The following CDH13 variants were observed in gnomAD, a reference collection of about 807,000 sequenced individuals.
CDH13 encodes cadherin-13.
Under a neutral mutation model 63.8 loss-of-function variants are expected in CDH13, and 24 were observed. The observed-to-expected ratio is 0.38, with a 90% CI of 0.27 to 0.53. The LOEUF (loss-of-function observed/expected upper bound fraction) is 0.53, where lower values mean the gene tolerates loss of function less well. Ranked by LOEUF, CDH13 falls within the 20% of genes least tolerant of loss-of-function variation. The pLI is 0.85. For synonymous variants in CDH13, 503 were observed against 355.3 expected (o/e 1.42, Z -4.67); for missense variants, 1,049 against 903.1 (o/e 1.16, Z -2.07).
chr16:82,692,298 C>G (rs1031512854), intron 1 of CDH13, among the ~76,000 whole-genome samples: 2 of 152,156 alleles, frequency 1.3e-5, no homozygotes, highest in East Asian at 1.9e-4. Flanking sequence ...CTGTTCTCAC[C>G]CTGCTTAGTA....
At position 83,564,416 on chromosome 16, in the gene CDH13, GT is replaced by G. The variant is rs1567767688; in HGVS notation, c.961-38033del. ...GATGACTCTTTTTTTTTTTTTTTTT[GT>G]TTTTGTTTTGAGATGGAGTCTCACT... On this transcript the variant is annotated intron_variant, in intron 7 of 13. Coordinates refer to ENST00000567109, the MANE Select transcript of CDH13 (RefSeq NM_001257.5). Among the ~76,000 whole-genome samples the G allele has an allele frequency of 2.9e-3, 22 of 7,516 alleles. 2 individuals carry two copies. Among genetic ancestry groups the G allele is most frequent in the African/African-American group, 9.8e-3 (14 of 1,434 alleles). 4.9% of individuals were successfully genotyped at this position (7,516 alleles called of 152,430 possible).
intron 1 of CDH13, among the ~76,000 whole-genome samples, chr16:82,714,506 G>C (rs990084131): frequency 7.2e-5 from 11 of 151,902 alleles, no homozygotes; most frequent in African/African-American, 2.7e-4. Context: ...CTGAGGTTAG[G>C]AGTTCAAGAC....
intron 4 of CDH13, among the ~76,000 whole-genome samples, chr16:83,215,938 C>CT (rs2039490466): frequency 6.6e-6 from 1 of 152,080 alleles, no homozygotes; most frequent in South Asian, 2.1e-4. Context: ...CTAGATTCCA[C>CT]TTATGCCAAT....
chr16:83,239,212 G>C (rs375603834), intron 5 of CDH13, among the ~76,000 whole-genome samples: 6 of 152,266 alleles, frequency 3.9e-5, no homozygotes, highest in East Asian at 1.9e-4. Context: ...CAGTAGTTCA[G>C]TTATAAGTTA....
chr16:83,432,907 TTA>T (rs2072168600), intron 6 of CDH13, among the ~76,000 whole-genome samples: 1 of 152,202 alleles, frequency 6.6e-6, no homozygotes, highest in African/African-American at 2.4e-5. Context: ...GACATAACAT[TTA>T]TGTTTCTTCT....
intron 8 of CDH13, among the ~76,000 whole-genome samples, chr16:83,647,961 C>T (rs1407515945): frequency 6.6e-6 from 1 of 152,128 alleles, no homozygotes; most frequent in East Asian, 1.9e-4. Flanking sequence ...ATCCTAAAGC[C>T]CCACAACTGC....
rs11314879 is a variant in CDH13, at chr16:83,056,464, C to CA, written c.366+24256dup. Among the ~76,000 whole-genome samples the CA allele has an allele frequency of 5.0e-4, 70 of 140,132 alleles. No individual in the cohort carries two copies. In the South Asian group the frequency reaches 5.5e-3, roughly 11 times the overall value. The allele number at this position is 140,132 out of a possible 152,430, so 91.9% of individuals were successfully genotyped here. On this transcript the variant is annotated intron_variant, in intron 3 of 13. Coordinates refer to ENST00000567109, the MANE Select transcript of CDH13 (RefSeq NM_001257.5). ...TCATATGTATATACCAAATACATAG[C>CA]AAAAAAAAAAGCAACTGTTATTATG...
intron 7 of CDH13, among the ~76,000 whole-genome samples, chr16:83,521,719 G>C (rs78687837): frequency 4.6e-5 from 7 of 152,164 alleles, no homozygotes; most frequent in African/African-American, 1.7e-4. Context: ...TTCCACCTAT[G>C]GGTTTTCCCA....
chr16:83,203,065 A>C (rs1396447606), intron 4 of CDH13, among the ~76,000 whole-genome samples: 1 of 152,140 alleles, frequency 6.6e-6, no homozygotes, highest in Non-Finnish European at 1.5e-5. Context: ...TCTCTACTGA[A>C]AATACAAAAT....
chr16:82,793,170 C>T (rs565012386), intron 1 of CDH13, among the ~76,000 whole-genome samples: 1 of 152,346 alleles, frequency 6.6e-6, no homozygotes, highest in South Asian at 2.1e-4. Context: ...GGCATCAGTG[C>T]ATCACCCAGT....
At chr16:83,648,081 G>C (rs567712903) in intron 8 of CDH13, among the ~76,000 whole-genome samples, 1 of 152,014 alleles carries the variant, frequency 6.6e-6, no homozygotes, top group Non-Finnish European at 1.5e-5. Context: ...TTCCCTCAAG[G>C]TGTGTTTGAA....
At chr16:82,657,676 A>G (rs770919405) in intron 1 of CDH13, among the ~76,000 whole-genome samples, 20 of 152,184 alleles carry the variant, frequency 1.3e-4, no homozygotes, top group African/African-American at 1.7e-4. Context: ...AAATATTCCA[A>G]TTTGGGGAGG....
chr16:82,934,635 C>G (rs545102156), intron 2 of CDH13, among the ~76,000 whole-genome samples: 4 of 152,310 alleles, frequency 2.6e-5, no homozygotes, highest in African/African-American at 4.8e-5. Flanking sequence ...CTTATATGCT[C>G]TGCTTCCTCT....
intron 1 of CDH13, among the ~76,000 whole-genome samples, chr16:82,841,298 C>G (rs57881470): frequency 0.12 from 18,801 of 152,190 alleles, 1,389 homozygotes; most frequent in African/African-American, 0.2. Flanking sequence ...TGCAGCCTCT[C>G]TGTTAGTGCT....
intron 6 of CDH13, among the ~76,000 whole-genome samples, chr16:83,394,207 A>G (rs1015183196): frequency 2.0e-5 from 3 of 152,234 alleles, no homozygotes; most frequent in Non-Finnish European, 4.4e-5. Context: ...AAGTTTACCT[A>G]TATAGCAAAA....
At chr16:82,860,072 T>A (rs550253898) in intron 2 of CDH13, among the ~76,000 whole-genome samples, 2 of 152,270 alleles carry the variant, frequency 1.3e-5, no homozygotes, top group South Asian at 2.1e-4. Flanking sequence ...AAACAGAACT[T>A]GATTTGTGAG....
At chr16:83,129,146 A>C (rs1427937404) in intron 4 of CDH13, among the ~76,000 whole-genome samples, 3 of 152,154 alleles carry the variant, frequency 2.0e-5, no homozygotes, top group African/African-American at 7.2e-5. Flanking sequence ...AAGAGGACGT[A>C]GGTGTTTTCA....
intron 2 of CDH13, among the ~76,000 whole-genome samples, chr16:82,861,609 C>T (rs1245070626): frequency 1.3e-5 from 2 of 152,170 alleles, no homozygotes; most frequent in African/African-American, 4.8e-5. Context: ...TCTTTTTCTA[C>T]TTTAACTGTT....
rs899153152 is a variant in CDH13 at position 83,637,249 on chromosome 16, T to C, written c.1102-33541T>C. On this transcript the variant is annotated intron_variant, in intron 8 of 13. Transcript: ENST00000567109. ...ACGTCTAATAGAAAAATTTAACAGATCTCGGGAGGAGCCAAGATGGCCGAA... is the reference window on the plus strand; with the variant it reads ...ACGTCTAATAGAAAAATTTAACAGACCTCGGGAGGAGCCAAGATGGCCGAA... Among the ~76,000 whole-genome samples the C allele has an allele frequency of 4.2e-5, 6 of 143,632 alleles. 2 individuals carry two copies. The highest frequency in any genetic ancestry group is 1.6e-4 in the African/African-American group (6 of 37,366). 94.2% of individuals were successfully genotyped at this position (143,632 alleles called of 152,430 possible).
Sources: allele counts gnomAD v4.1 joint callset (sites outside exome capture counted in the v4.1 genomes callset), GRCh38; gene constraint gnomAD v4.1.1; transcripts MANE v1.5; gene names NCBI Gene and HGNC (gene_info 2026-07-23, HGNC 2026-07-21).